Variants in TENM4 observed in about 807,000 individuals in gnomAD.
The protein encoded by TENM4 is teneurin transmembrane protein 4, also known as teneurin-4.
TENM4 carries 82 observed loss-of-function variants against 243.3 expected under a neutral mutation model. The ratio of observed to expected loss-of-function variants is 0.34; its 90% CI spans 0.28 to 0.40. TENM4 has a LOEUF of 0.40. Ranked by LOEUF, TENM4 falls within the 10% of genes least tolerant of loss-of-function variation. The pLI, the probability that TENM4 is intolerant of heterozygous loss-of-function variation, is 1.00. For synonymous variants in TENM4, 1,412 were observed against 1,456.3 expected, an observed-to-expected ratio of 0.97 and a Z score of 0.69; for missense variants, 3,138 against 3,673.3, an observed-to-expected ratio of 0.85 and a Z score of 3.77.
chr11:79,161,891 C>T (rs1862753830), intron 3 of TENM4, among the ~76,000 whole-genome samples: 1 of 152,118 alleles, frequency 6.6e-6, no homozygotes, highest in Non-Finnish European at 1.5e-5. Context: ...TTAGACATAC[C>T]ACCTCAGCTA....
chr11:78,909,968 G>A (rs1485705759), intron 6 of TENM4, among the ~76,000 whole-genome samples: 3 of 152,154 alleles, frequency 2.0e-5, no homozygotes, highest in Non-Finnish European at 2.9e-5. Context: ...ACCAGGCCGG[G>A]ACAGGCTATA....
In TENM4 at chr11:78,962,868, G is replaced by C. The variant is rs116943227; in HGVS notation, c.494-59345C>G. Among the ~76,000 whole-genome samples the C allele has an allele frequency of 9.6e-3, 1,458 of 152,392 alleles. 8 individuals are homozygous for C. Among genetic ancestry groups the C allele is most frequent in the Non-Finnish European group, 0.015 (1,015 of 68,044 alleles). On this transcript the variant is annotated intron_variant, in intron 6 of 33. Coordinates refer to ENST00000278550, the MANE Select transcript of TENM4 (RefSeq NM_001098816.3). ...GCCCTAGGCCTCGTAAAAAGGTAGA[G>C]AGAGCTGGAGAGAATGATTCAAGGC...
At chr11:79,216,624 A>T (rs539719163) in intron 2 of TENM4, among the ~76,000 whole-genome samples, 1 of 152,268 alleles carries the variant, frequency 6.6e-6, no homozygotes, top group African/African-American at 2.4e-5. Flanking sequence ...TGAGTGAGTT[A>T]TCTCAATCAT....
Position 79,396,039 on chromosome 11 carries a change from A to G in TENM4, c.-321+44470T>C, listed in dbSNP as rs543138954. On this transcript the variant is annotated intron_variant, in intron 1 of 33. Transcript: ENST00000278550. ...GGTGTGCAACAAACATCAAGTCCTC[A>G]TGCATTTATTTTCCTGGATGCACCT... Among the ~76,000 whole-genome samples, 439 of 152,252 alleles carry G rather than the reference A, an allele frequency of 2.9e-3. 2 individuals are homozygous for G. The highest frequency in any genetic ancestry group is 0.014 in the Middle Eastern group (4 of 294).
chr11:79,326,965 G>C (rs140837268), intron 1 of TENM4, among the ~76,000 whole-genome samples: 5 of 152,182 alleles, frequency 3.3e-5, no homozygotes, highest in Non-Finnish European at 7.3e-5. Context: ...AGCTCCTTAC[G>C]GGCAGAGCCT....
intron 27 of TENM4, among the ~76,000 whole-genome samples, chr11:78,704,026 T>C (rs146727153): frequency 0.038 from 3,487 of 91,512 alleles, 120 homozygotes; most frequent in African/African-American, 0.13. Flanking sequence ...CACACACACA[T>C]ATATATATAC....
intron 2 of TENM4, among the ~76,000 whole-genome samples, chr11:79,228,094 A>T (rs576504957): frequency 1.3e-5 from 2 of 152,324 alleles, no homozygotes; most frequent in Admixed American, 6.5e-5. Context: ...TGTGAAAAAA[A>T]GTATCTATAA....
At chr11:79,294,097 T>G (rs1394384590) in intron 2 of TENM4, among the ~76,000 whole-genome samples, 1 of 152,212 alleles carries the variant, frequency 6.6e-6, no homozygotes, top group Admixed American at 6.5e-5. Flanking sequence ...CTGTCTTTAA[T>G]GCATGGCTAA....
At chr11:79,077,591 T>C (rs1860564016) in intron 4 of TENM4, among the ~76,000 whole-genome samples, 1 of 152,140 alleles carries the variant, frequency 6.6e-6, no homozygotes. Flanking sequence ...TCTACTTAAC[T>C]AGAATTATGA....
At chr11:79,369,528 A>T (rs1857742523) in intron 1 of TENM4, among the ~76,000 whole-genome samples, 1 of 152,194 alleles carries the variant, frequency 6.6e-6, no homozygotes, top group Admixed American at 6.5e-5. Flanking sequence ...GAAACACTCA[A>T]ACAATTGATA....
At chr11:78,917,782 G>A (rs1178473390) in intron 6 of TENM4, among the ~76,000 whole-genome samples, 3 of 152,148 alleles carry the variant, frequency 2.0e-5, no homozygotes, top group Non-Finnish European at 4.4e-5. Flanking sequence ...TAAGAGGAAC[G>A]TAATACAGTA....
At chr11:78,660,088 A>T (rs1415335918) in intron 33 of TENM4, among the ~76,000 whole-genome samples, 6 of 152,206 alleles carry the variant, frequency 3.9e-5, no homozygotes, top group Non-Finnish European at 7.3e-5. Flanking sequence ...TCTGGAGTGC[A>T]GGAGGGAGCC....
chr11:78,726,103 G>A lies in TENM4; in HGVS notation c.3526C>T (p.His1176Tyr), dbSNP rs1228170698. Residue 1176 changes from histidine to tyrosine, a missense_variant, in exon 23 of 34, where the codon CAT (histidine) becomes TAT (tyrosine). Physicochemically the swap from His to Tyr is moderately conservative, Grantham distance 83. This residue lies in a region of TENM4 where 2,467 missense variants were observed against 3,059.1 expected (regional missense o/e 0.81). Coordinates refer to ENST00000278550, the MANE Select transcript of TENM4 (RefSeq NM_001098816.3). ...CCACTTTGAATGTTGAGGGCATGAT[G>A]TTTGTCTAGGCTCCATCCTCCAAGC... is the stretch of plus-strand genomic sequence containing the variant. ...SKLGGWSLDKHHALNIQSGIL... is the reference protein window; with the variant it reads ...SKLGGWSLDKYHALNIQSGIL... 1.2e-6 allele frequency: 2 copies of A among 1,614,032 alleles called. No individual in the cohort carries two copies. The highest frequency in any genetic ancestry group is 1.6e-4 in the Middle Eastern group (1 of 6,062).
At chr11:78,781,808 T>C (rs976961102) in intron 16 of TENM4, among the ~76,000 whole-genome samples, 4 of 152,200 alleles carry the variant, frequency 2.6e-5, no homozygotes, top group Non-Finnish European at 5.9e-5. Context: ...AAAGAGATGT[T>C]CTTGCTAAGC....
intron 2 of TENM4, among the ~76,000 whole-genome samples, chr11:79,218,238 A>G (rs57066368): frequency 7.5e-5 from 8 of 106,630 alleles, no homozygotes; most frequent in African/African-American, 1.4e-4. Flanking sequence ...CTGCCCACCC[A>G]CCCCCGACAC....
At chr11:79,240,353 G>A (rs1864567139) in intron 2 of TENM4, among the ~76,000 whole-genome samples, 1 of 152,062 alleles carries the variant, frequency 6.6e-6, no homozygotes, top group Non-Finnish European at 1.5e-5. Flanking sequence ...AAGTTTATAA[G>A]TCCATCCCTT....
intron 6 of TENM4, among the ~76,000 whole-genome samples, chr11:78,975,387 A>T (rs147820028): frequency 3.1e-4 from 47 of 152,174 alleles, no homozygotes; most frequent in Non-Finnish European, 2.9e-5. Flanking sequence ...GCACAAAGCA[A>T]GCTGGATTAT....
intron 6 of TENM4, among the ~76,000 whole-genome samples, chr11:79,029,444 G>T (rs1462493780): frequency 1.3e-5 from 2 of 152,156 alleles, no homozygotes; most frequent in African/African-American, 4.8e-5. Context: ...CAATTTCTTT[G>T]TGTCTGAGGG....
At chr11:79,064,465 C>G (rs1164459369) in intron 6 of TENM4, 2 of 450,324 alleles carry the variant, frequency 4.4e-6, no homozygotes, top group Non-Finnish European at 8.1e-6. Flanking sequence ...CTCTCTGCTC[C>G]CCTGCACACA....
Sources: allele counts gnomAD v4.1 joint callset (sites outside exome capture counted in the v4.1 genomes callset), GRCh38; gene constraint gnomAD v4.1.1; regional missense constraint gnomAD v4.1.1; transcripts MANE v1.5; gene names NCBI Gene and HGNC (gene_info 2026-07-23, HGNC 2026-07-21).